Variants in CIB4 observed in about 807,000 individuals in gnomAD.
CIB4 encodes the protein calcium and integrin-binding family member 4.
Under a neutral mutation model 25.8 loss-of-function variants are expected in CIB4, and 25 were observed. That is an observed-to-expected ratio of 0.97 (90% CI 0.71 to 1.35). The LOEUF (loss-of-function observed/expected upper bound fraction) is 1.35. CIB4 is among the 40% of genes most tolerant of loss of function. The probability of loss-of-function intolerance (pLI) is 0.00; values close to 1 mark genes in which losing one functional copy is unlikely to be tolerated. For synonymous variants in CIB4, 75 were observed against 81.4 expected (o/e 0.92, Z 0.42); for missense variants, 235 against 228.2 (o/e 1.03, Z -0.19).
At chr2:26,621,968 A>T (rs1352610276) in intron 3 of CIB4, among the ~76,000 whole-genome samples, 1 of 152,236 alleles carries the variant, frequency 6.6e-6, no homozygotes, top group Non-Finnish European at 1.5e-5. Flanking sequence ...AAAAACAATG[A>T]TGACATCCAG....
At chr2:26,607,328 A>C (rs1021791690) in intron 3 of CIB4, among the ~76,000 whole-genome samples, 1 of 152,236 alleles carries the variant, frequency 6.6e-6, no homozygotes, top group African/African-American at 2.4e-5. Flanking sequence ...AACTTGCCCG[A>C]GCAAAAAAGA....
intron 5 of CIB4, 130 bp from the exon 6 acceptor site, chr2:26,583,043 C>CTGACCCCAG (rs1272006173): frequency 1.6e-6 from 1 of 619,908 alleles, no homozygotes; most frequent in Non-Finnish European, 2.9e-6. Flanking sequence ...CCTGGGTCCC[C>CTGACCCCAG]TGACCCCAGT....
intron 3 of CIB4, among the ~76,000 whole-genome samples, chr2:26,608,787 A>G (rs2148208607): frequency 6.6e-6 from 1 of 150,560 alleles, no homozygotes; most frequent in South Asian, 2.1e-4. Flanking sequence ...CTCTCCCTGC[A>G]CTCCCCAGCA....
At chr2:26,600,278 G>A (rs192458573) in intron 3 of CIB4, among the ~76,000 whole-genome samples, 1 of 150,900 alleles carries the variant, frequency 6.6e-6, no homozygotes, top group Non-Finnish European at 1.5e-5. Flanking sequence ...GGTGGTGAGC[G>A]CCTGTAATCC....
At chr2:26,634,122 A>G (rs1317429219) in intron 2 of CIB4, among the ~76,000 whole-genome samples, 1 of 152,152 alleles carries the variant, frequency 6.6e-6, no homozygotes, top group Non-Finnish European at 1.5e-5. Context: ...ATTCAAGGCC[A>G]GGATAGAGCC....
At chr2:26,610,827 AG>A (rs11304295) in intron 3 of CIB4, among the ~76,000 whole-genome samples, 84,540 of 152,090 alleles carry the variant, frequency 0.56, 23,594 homozygotes, top group African/African-American at 0.58. Context: ...CTGAGGGGTG[AG>A]GAGGTTAAAT....
chr2:26,602,959 A>C (rs1668820860), intron 3 of CIB4, among the ~76,000 whole-genome samples: 3 of 146,062 alleles, frequency 2.1e-5, no homozygotes, highest in Admixed American at 1.5e-4. Context: ...GGAGGGTAAA[A>C]GGGGAAGATC....
At chr2:26,600,593 C>T (rs565067392) in intron 3 of CIB4, among the ~76,000 whole-genome samples, 41 of 152,266 alleles carry the variant, frequency 2.7e-4, no homozygotes, top group African/African-American at 9.6e-4. Context: ...CTGAAGCACC[C>T]TCTCACCCAG....
intron 3 of CIB4, among the ~76,000 whole-genome samples, chr2:26,616,042 C>T (rs983302074): frequency 2.6e-5 from 4 of 152,182 alleles, no homozygotes; most frequent in African/African-American, 7.2e-5. Context: ...GCAAGGCTGC[C>T]GATTTCCATC....
intron 3 of CIB4, among the ~76,000 whole-genome samples, chr2:26,602,014 G>A (rs540237421): frequency 6.6e-6 from 1 of 152,268 alleles, no homozygotes; most frequent in South Asian, 2.1e-4. Context: ...AAATTTTGGG[G>A]GTGATGGAAC....
At chr2:26,640,083 C>T (rs983242497) in intron 2 of CIB4, among the ~76,000 whole-genome samples, 1 of 140,276 alleles carries the variant, frequency 7.1e-6, no homozygotes, top group African/African-American at 2.7e-5. Flanking sequence ...CAGCACATCA[C>T]AGGCACCGGA....
In CIB4 at chr2:26,629,451, T is replaced by C; in HGVS notation, c.145A>G (p.Thr49Ala). Residue 49 changes from threonine (T) to alanine (A), a missense_variant, in exon 3 of 7, where the codon ACG becomes GCG. By Grantham distance (58) the Thr-to-Ala change is moderately conservative. Coordinates refer to ENST00000288861, the MANE Select transcript of CIB4 (RefSeq NM_001029881.3). ...GAGCTGACCTGGTCCATGGTGAGCG[T>C]TGCCTCCTTGTAGTACTTCCCAGGA... ...CPPGKYYKEATLTMDQVSSLP... is the reference protein window; with the variant it reads ...CPPGKYYKEAALTMDQVSSLP... 6.3e-7 allele frequency: 1 copy of C among 1,582,804 alleles called. No homozygotes were observed. The highest frequency in any genetic ancestry group is 1.3e-5 in the African/African-American group (1 of 74,652).
chr2:26,595,393 T>C, intron 3 of CIB4, 76 bp from the exon 4 acceptor site: 1 of 1,490,448 alleles, frequency 6.7e-7, no homozygotes, highest in Non-Finnish European at 9.2e-7. Flanking sequence ...TCTCATCTAT[T>C]ACAAACACTG....
At chr2:26,584,004 CCCAT>C in intron 4 of CIB4, 106 bp from the exon 5 acceptor site, 1 of 701,738 alleles carries the variant, frequency 1.4e-6, no homozygotes, top group Non-Finnish European at 2.5e-6. Context: ...CCCACAGATG[CCCAT>C]TAGCCTCTGG....
chr2:26,632,032 C>T (rs1050779383), intron 2 of CIB4, among the ~76,000 whole-genome samples: 7 of 152,090 alleles, frequency 4.6e-5, no homozygotes, highest in African/African-American at 1.7e-4. Context: ...ACCTGCTTCC[C>T]GCCGGGTTGC....
intron 3 of CIB4, among the ~76,000 whole-genome samples, chr2:26,625,598 C>T (rs140662404): frequency 0.012 from 1,809 of 152,264 alleles, 30 homozygotes; most frequent in African/African-American, 0.04. Flanking sequence ...GTGATCCACC[C>T]GCTTCGGCCT....
At position 26,589,511 on chromosome 2, in the gene CIB4, G is replaced by A. The variant is rs569369477; in HGVS notation, c.329-5613C>T. Among the ~76,000 whole-genome samples, 42 of 152,022 alleles carry A rather than the reference G, an allele frequency of 2.8e-4. No homozygotes were observed. The South Asian group carries it at 7.9e-3, about 29-fold the overall frequency. On this transcript the variant is annotated intron_variant, in intron 4 of 6. Coordinates refer to ENST00000288861, the MANE Select transcript of CIB4 (RefSeq NM_001029881.3). ...TAGTTTTTGTATTTTTAGTAGAGACGGGGTTTCACCATGTTGGCCAGGCTG... is the reference window on the plus strand; with the variant it reads ...TAGTTTTTGTATTTTTAGTAGAGACAGGGTTTCACCATGTTGGCCAGGCTG...
intron 2 of CIB4, among the ~76,000 whole-genome samples, chr2:26,635,243 C>A (rs1380498949): frequency 1.3e-5 from 2 of 152,194 alleles, no homozygotes; most frequent in African/African-American, 4.8e-5. Context: ...AGGGCCAAAC[C>A]AAAGCAGCCC....
At chr2:26,618,876 C>T (rs1159928227) in intron 3 of CIB4, among the ~76,000 whole-genome samples, 3 of 152,184 alleles carry the variant, frequency 2.0e-5, no homozygotes, top group Non-Finnish European at 4.4e-5. Flanking sequence ...AGGCATCTCC[C>T]ACCGGCCTCT....
Sources: allele counts gnomAD v4.1 joint callset (sites outside exome capture counted in the v4.1 genomes callset), GRCh38; gene constraint gnomAD v4.1.1; transcripts MANE v1.5; gene names NCBI Gene and HGNC (gene_info 2026-07-23, HGNC 2026-07-21).